EIF3A: variants seen among roughly 807,000 people sequenced by gnomAD.
EIF3A encodes EIF3, p180 subunit.
A neutral mutation model predicts 186.6 loss-of-function variants in EIF3A; 21 were observed. That is an observed-to-expected ratio of 0.11 (90% CI 0.08 to 0.16). The LOEUF (loss-of-function observed/expected upper bound fraction) is 0.16, where lower values mean the gene tolerates loss of function less well. Ranked by LOEUF, EIF3A falls within the 10% of genes least tolerant of loss-of-function variation. The probability of loss-of-function intolerance (pLI) is 1.00; values close to 1 mark genes in which losing one functional copy is unlikely to be tolerated. For missense variants in EIF3A, 1,306 were observed against 1,796.3 expected (o/e 0.73, Z 4.93); for synonymous variants, 563 against 584.3 (o/e 0.96, Z 0.52).
intron 6 of EIF3A, among the ~76,000 whole-genome samples, chr10:119,068,606 G>A (rs138442799): frequency 0.011 from 1,659 of 152,208 alleles, 12 homozygotes; most frequent in Non-Finnish European, 0.016. Flanking sequence ...AACCCAGGAG[G>A]CGGAGTGAGA....
intron 21 of EIF3A, among the ~76,000 whole-genome samples, chr10:119,036,632 T>C (rs573679523): frequency 1.3e-5 from 2 of 152,214 alleles, no homozygotes; most frequent in African/African-American, 4.8e-5. Context: ...AAATTAACCA[T>C]ACAAAATACA....
At chr10:119,050,440 T>G in intron 16 of EIF3A, 81 bp downstream of exon 16, 1 of 1,395,526 alleles carries the variant, frequency 7.2e-7, no homozygotes, top group East Asian at 2.3e-5. Flanking sequence ...ATTCCTGTAT[T>G]TTCTACATAA....
At position 119,052,368 on chromosome 10, in the gene EIF3A, T is replaced by TTG. The variant is rs61029991; in HGVS notation, c.2197-1049_2197-1048dup. On this transcript the variant is annotated intron_variant, in intron 14 of 21. Transcript: ENST00000369144. ...CTTCAGGTTATAGTCTTTTTTGGTT[T>TTG]TGTGTGTGTGTGTGTGTGTGTGTGT... Among the ~76,000 whole-genome samples the TTG allele has an allele frequency of 6.4e-3, 791 of 122,992 alleles. 20 individuals are homozygous for TTG. The highest frequency in any genetic ancestry group is 7.5e-3 in the Middle Eastern group (2 of 266). 80.7% of individuals were successfully genotyped at this position (122,992 alleles called of 152,430 possible).
At chr10:119,043,681 A>T (rs1848245506) in intron 18 of EIF3A, among the ~76,000 whole-genome samples, 1 of 152,132 alleles carries the variant, frequency 6.6e-6, no homozygotes, top group Admixed American at 6.5e-5. Context: ...GCAATTTGAG[A>T]GGCTGAGACA....
At position 119,058,267 on chromosome 10, in the gene EIF3A, C is replaced by T. The variant is rs202223201; in HGVS notation, c.1666G>A (p.Ala556Thr). ...TCTTTTCGTGAATTTTTAAGGTATG[C>T]AGTGACAGCCAACTGATGCTGTTCT... ...KEEQHQLAVT[A>T]YLKNSRKEHQ... Residue 556 changes from alanine to threonine, a missense_variant, in exon 12 of 22, where the codon GCA becomes ACA. Physicochemically the swap from Ala to Thr is moderately conservative, Grantham distance 58. Coordinates refer to ENST00000369144, the MANE Select transcript of EIF3A (RefSeq NM_003750.4). 6.2e-7 allele frequency: 1 copy of T among 1,605,240 alleles called. No individual in the cohort carries two copies. Among genetic ancestry groups the T allele is most frequent in the Non-Finnish European group, 8.5e-7 (1 of 1,176,044 alleles).
At chr10:119,038,193 C>T (rs1227565141) in intron 20 of EIF3A, 45 bp downstream of exon 20, 12 of 1,532,036 alleles carry the variant, frequency 7.8e-6, no homozygotes, top group Non-Finnish European at 9.8e-6. Context: ...CAGGCATGAG[C>T]CACTGCGCCC....
intron 10 of EIF3A, 22 bp from the exon 11 acceptor site, chr10:119,059,419 TG>T: frequency 1.3e-6 from 2 of 1,504,294 alleles, no homozygotes; most frequent in East Asian, 4.5e-5. Context: ...AAATTATCAA[TG>T]GTTAAATCCA....
At position 119,073,570 on chromosome 10, in the gene EIF3A, A is replaced by G. The variant is rs1844111831; in HGVS notation, c.248T>C (p.Ile83Thr). 1 of 1,611,436 alleles carries G rather than the reference A, an allele frequency of 6.2e-7. No homozygotes were observed. ...CCTAACAACATCCTCCAGAGATTTT[A>G]TGTTCACCTAATCCAAAAAAACAAA... The part of the protein sequence containing the change: ...QYKNICQQVN[I>T]KSLEDVVRAY... The change falls in exon 3 of 22, where the codon ATA (isoleucine) becomes ACA (threonine). Residue 83 changes from isoleucine to threonine, a missense_variant. Physicochemically the swap from Ile to Thr is moderately conservative, Grantham distance 89. Transcript: ENST00000369144.
At chr10:119,066,538 A>C (rs1372317164) in intron 6 of EIF3A, among the ~76,000 whole-genome samples, 3 of 127,156 alleles carry the variant, frequency 2.4e-5, no homozygotes, top group East Asian at 2.4e-4. Flanking sequence ...AAAAAAAAAA[A>C]ACCTAAGGAA....
chr10:119,042,835 T>C lies in EIF3A; in HGVS notation c.2748-63A>G. The C allele has an allele frequency of 3.7e-6, 5 of 1,355,510 alleles. No individual in the cohort carries two copies. The highest frequency in any genetic ancestry group is 4.9e-6 in the Non-Finnish European group (5 of 1,020,024). 84.0% of individuals were successfully genotyped at this position (1,355,510 alleles called of 1,614,324 possible). On this transcript the variant is annotated intron_variant, in intron 18 of 21. Transcript: ENST00000369144. The surrounding 1 kb of genome is among the most constrained non-coding windows in gnomAD (Gnocchi z 7.8). ...AAAAAAGCATATGATCCTTTGGGGA[T>C]TTTTTTTTTCACATGCTTTTTAAAA... is the stretch of plus-strand genomic sequence containing the variant.
chr10:119,047,493 C>T (rs745922915), intron 17 of EIF3A, among the ~76,000 whole-genome samples: 5 of 151,994 alleles, frequency 3.3e-5, no homozygotes, highest in African/African-American at 4.8e-5. Flanking sequence ...AAAACAGAAA[C>T]AAGAGGCTGA....
At chr10:119,076,979 T>C (rs1844186596) in intron 1 of EIF3A, among the ~76,000 whole-genome samples, 1 of 150,876 alleles carries the variant, frequency 6.6e-6, no homozygotes, top group South Asian at 2.1e-4. Flanking sequence ...CATTAGGCGT[T>C]CTTCATAACT....
At position 119,054,683 on chromosome 10, in the gene EIF3A, C is replaced by A. The variant is rs141278982; in HGVS notation, c.2196+2057G>T. Among the ~76,000 whole-genome samples, 513 of 150,092 alleles carry A rather than the reference C, an allele frequency of 3.4e-3. 19 individuals are homozygous for A. The East Asian group carries it at 0.067, about 20-fold the overall frequency. ...CGGAGGCTGCAGTGGGCTGAGATTG[C>A]GCCATTGCACTCCAGCTTGGGCAAC... On this transcript the variant is annotated intron_variant, in intron 14 of 21. Transcript: ENST00000369144.
At position 119,080,614 on chromosome 10, in the gene EIF3A, G is replaced by C. The variant is rs774627068; in HGVS notation, c.49+14C>G. On this transcript the variant is annotated intron_variant, in intron 1 of 21. Transcript: ENST00000369144. ...GGGCCGCCCCAGCCCGGCGCGCCCC[G>C]ATCAGCTACTCACCGTTGGCGCGTT... 28 of 1,579,596 alleles carry C rather than the reference G, an allele frequency of 1.8e-5. No homozygotes were observed. The highest frequency in any genetic ancestry group is 7.0e-5 in the East Asian group (3 of 42,618).
In EIF3A at chr10:119,059,596, A is replaced by G. The variant is rs1843848578; in HGVS notation, c.1443+6T>C. Reference sequence around the variant, plus strand: ...CTTCTCCTGTCTCCTTACAGCACATACCTACCTGCAAGTCGCAATGCCTGG... The same window carrying G: ...CTTCTCCTGTCTCCTTACAGCACATGCCTACCTGCAAGTCGCAATGCCTGG... On this transcript the variant is annotated splice_donor_region_variant and intron_variant, in intron 10 of 21. Coordinates refer to ENST00000369144, the MANE Select transcript of EIF3A (RefSeq NM_003750.4). 1 of 1,605,644 alleles carries G rather than the reference A, an allele frequency of 6.2e-7. No homozygotes were observed. Among genetic ancestry groups the G allele is most frequent in the Non-Finnish European group, 8.5e-7 (1 of 1,172,414 alleles).
chr10:119,080,515 G>C, intron 1 of EIF3A, 113 bp downstream of exon 1: 1 of 1,418,132 alleles, frequency 7.1e-7, no homozygotes, highest in African/African-American at 1.5e-5. Flanking sequence ...AGGCCGCATC[G>C]GTCTCCTCTC....
At chr10:119,045,411 T>C (rs1848270043) in intron 17 of EIF3A, among the ~76,000 whole-genome samples, 1 of 152,156 alleles carries the variant, frequency 6.6e-6, no homozygotes, top group Non-Finnish European at 1.5e-5. Context: ...TCTAAGAGAC[T>C]TTCCCAAGTA....
chr10:119,047,380 G>A (rs1229387424), intron 17 of EIF3A, among the ~76,000 whole-genome samples: 8 of 152,038 alleles, frequency 5.3e-5, no homozygotes, highest in African/African-American at 2.4e-5. Context: ...GCAAGTGTTA[G>A]GAATAAAACC....
intron 10 of EIF3A, 21 bp downstream of exon 10, chr10:119,059,581 C>A: frequency 6.3e-7 from 1 of 1,577,480 alleles, no homozygotes; most frequent in East Asian, 2.2e-5. Context: ...CTTCTCCTGT[C>A]TCCTTACAGC....
Sources: allele counts gnomAD v4.1 joint callset (sites outside exome capture counted in the v4.1 genomes callset), GRCh38; gene constraint gnomAD v4.1.1; non-coding constraint Gnocchi (gnomAD v3.1); transcripts MANE v1.5; gene names NCBI Gene and HGNC (gene_info 2026-07-23, HGNC 2026-07-21).